ATE1: variants seen among roughly 807,000 people sequenced by gnomAD.
ATE1 encodes the protein arginyltransferase 1, also known as arginyl-tRNA--protein transferase 1.
Under a neutral mutation model 70.5 loss-of-function variants are expected in ATE1, and 36 were observed. The ratio of observed to expected loss-of-function variants is 0.51; its 90% CI spans 0.39 to 0.67. The LOEUF (loss-of-function observed/expected upper bound fraction) is 0.67. Among genes scored for constraint, ATE1 ranks in the 30% least tolerant of loss-of-function variants. ATE1 has a pLI of 0.00. For synonymous variants in ATE1, 232 were observed against 219.3 expected (o/e 1.06, Z -0.51); for missense variants, 593 against 629.5 (o/e 0.94, Z 0.62).
At position 121,913,732 on chromosome 10, in the gene ATE1, A is replaced by C. The variant is rs1590712807; in HGVS notation, c.337+58T>G. The C allele has an allele frequency of 8.2e-6, 10 of 1,221,158 alleles. No homozygotes were observed. In the East Asian group the frequency reaches 2.1e-4, roughly 26 times the overall value. The allele number at this position is 1,221,158 out of a possible 1,614,324, so 75.6% of individuals were successfully genotyped here. ...ACCCTTCCCCTTCCCAAGATGACTG[A>C]AAGTGGGACCGTTGCAAAGACAGAT... On this transcript the variant is annotated intron_variant, in intron 4 of 11. Transcript: ENST00000224652.
At chr10:121,859,857 G>A (rs1463747207) in intron 8 of ATE1, among the ~76,000 whole-genome samples, 1 of 152,096 alleles carries the variant, frequency 6.6e-6, no homozygotes. Flanking sequence ...CAGGAGAATC[G>A]CTTGAACCTG....
At chr10:121,895,387 A>G (rs1950740638) in intron 7 of ATE1, among the ~76,000 whole-genome samples, 1 of 152,182 alleles carries the variant, frequency 6.6e-6, no homozygotes, top group African/African-American at 2.4e-5. Context: ...AGGCGGGTGG[A>G]TCACGAGGTC....
At position 121,742,204 on chromosome 10, in the gene ATE1, G is replaced by GA. The variant is rs1285430633; in HGVS notation, c.*1475dup. ...TGAATGAAGAAATGCGGCTGACTTG[G>GA]ATGTTGAGTTTCTAGAGATTTCAGT... On this transcript the variant is annotated 3_prime_UTR_variant, in exon 12 of 12. Coordinates refer to ENST00000224652, the MANE Select transcript of ATE1 (RefSeq NM_001001976.3). 3.3e-5 allele frequency: 5 copies of GA among 152,218 alleles called. No individual in the cohort carries two copies. Among genetic ancestry groups the GA allele is most frequent in the African/African-American group, 1.2e-4 (5 of 41,450 alleles). The allele number at this position is 152,218 out of a possible 1,614,324, so 9.4% of individuals were successfully genotyped here. A position where few individuals can be genotyped will look rare whatever the true frequency, so the allele number is the denominator to read the frequency against.
chr10:121,804,982 C>T (rs1215796137), intron 10 of ATE1, among the ~76,000 whole-genome samples: 2 of 152,098 alleles, frequency 1.3e-5, no homozygotes, highest in African/African-American at 4.8e-5. Context: ...TTGTGAGCAA[C>T]AGATATGAAA....
At chr10:121,909,359 G>A (rs1283332855) in intron 5 of ATE1, among the ~76,000 whole-genome samples, 3 of 152,172 alleles carry the variant, frequency 2.0e-5, no homozygotes, top group East Asian at 3.9e-4. Context: ...ACAAACAAAT[G>A]TTTAAAAATT....
intron 8 of ATE1, among the ~76,000 whole-genome samples, chr10:121,856,860 T>C (rs1329197392): frequency 1.3e-5 from 2 of 152,154 alleles, no homozygotes; most frequent in East Asian, 3.8e-4. Flanking sequence ...AAGGATGTCA[T>C]ATAGGGGTTG....
intron 11 of ATE1, among the ~76,000 whole-genome samples, chr10:121,744,883 C>T (rs1944287379): frequency 6.6e-6 from 1 of 152,192 alleles, no homozygotes; most frequent in Non-Finnish European, 1.5e-5. Flanking sequence ...GCATCTTTTC[C>T]AAAGGATAGC....
At chr10:121,884,366 A>C (rs1029308441) in intron 7 of ATE1, among the ~76,000 whole-genome samples, 2 of 152,030 alleles carry the variant, frequency 1.3e-5, no homozygotes, top group African/African-American at 4.8e-5. Flanking sequence ...TAATCTCAGC[A>C]CTTTGGGAGG....
intron 7 of ATE1, 76 bp downstream of exon 7, chr10:121,899,790 C>A (rs1469574104): frequency 1.3e-6 from 2 of 1,532,986 alleles, no homozygotes; most frequent in Non-Finnish European, 1.8e-6. Context: ...CACAAATAAA[C>A]CAAGATTTCA....
At chr10:121,924,635 G>T (rs1274437517) in intron 1 of ATE1, among the ~76,000 whole-genome samples, 1 of 151,270 alleles carries the variant, frequency 6.6e-6, no homozygotes. Context: ...GGGAGGCGGA[G>T]GTTGCAGTGA....
At chr10:121,779,139 T>C (rs774556782) in intron 11 of ATE1, among the ~76,000 whole-genome samples, 3 of 152,200 alleles carry the variant, frequency 2.0e-5, no homozygotes, top group Admixed American at 6.5e-5. Context: ...GACCTTTCTA[T>C]GTCATCTTGG....
chr10:121,835,398 T>A (rs1400946085), intron 10 of ATE1, among the ~76,000 whole-genome samples: 1 of 147,688 alleles, frequency 6.8e-6, no homozygotes, highest in African/African-American at 2.5e-5. Flanking sequence ...GTGCTTAACA[T>A]CAAAGATTTG....
At position 121,853,361 on chromosome 10, in the gene ATE1, CA is replaced by C. The variant is rs386372688; in HGVS notation, c.976-12099del. On this transcript the variant is annotated intron_variant, in intron 8 of 11. Coordinates refer to ENST00000224652, the MANE Select transcript of ATE1 (RefSeq NM_001001976.3). ...TGGGGAACAAAGTTAGACTCTGTCTCAAAAAAAAAAAAAAAAAAAACTAAAT... is the reference window on the plus strand; with the variant it reads ...TGGGGAACAAAGTTAGACTCTGTCTCAAAAAAAAAAAAAAAAAAACTAAAT... Among the ~76,000 whole-genome samples the C allele has an allele frequency of 4.9e-3, 336 of 69,096 alleles. 5 individuals carry two copies. Among genetic ancestry groups the C allele is most frequent in the African/African-American group, 0.017 (275 of 16,558 alleles). The allele number at this position is 69,096 out of a possible 152,430, so 45.3% of individuals were successfully genotyped here.
At chr10:121,832,633 G>A (rs988864091) in intron 10 of ATE1, among the ~76,000 whole-genome samples, 3 of 152,114 alleles carry the variant, frequency 2.0e-5, no homozygotes, top group Non-Finnish European at 2.9e-5. Flanking sequence ...TCTTGCCACC[G>A]CCACGTAAGA....
chr10:121,881,669 TAA>T (rs11309013), intron 7 of ATE1, among the ~76,000 whole-genome samples: 161 of 125,574 alleles, frequency 1.3e-3, no homozygotes, highest in East Asian at 8.7e-3. Flanking sequence ...TCCTGTCTCT[TAA>T]AAAAAAAAAA....
intron 11 of ATE1, among the ~76,000 whole-genome samples, chr10:121,789,464 A>C (rs1433466371): frequency 1.3e-5 from 2 of 151,922 alleles, no homozygotes; most frequent in Non-Finnish European, 2.9e-5. Context: ...ATGCCCAGCC[A>C]GTTTTTGTAT....
intron 7 of ATE1, among the ~76,000 whole-genome samples, chr10:121,888,120 C>T (rs907327036): frequency 6.6e-6 from 1 of 152,110 alleles, no homozygotes; most frequent in Admixed American, 6.5e-5. Flanking sequence ...AGAGGCTGGG[C>T]GCAGTGGCTC....
At chr10:121,905,166 T>C (rs1951141031) in intron 5 of ATE1, among the ~76,000 whole-genome samples, 1 of 152,170 alleles carries the variant, frequency 6.6e-6, no homozygotes, top group Non-Finnish European at 1.5e-5. Flanking sequence ...GTCCTACCTA[T>C]AGAGTTCCTG....
chr10:121,845,512 TGAGG>T (rs1450096623), intron 8 of ATE1, among the ~76,000 whole-genome samples: 1 of 152,134 alleles, frequency 6.6e-6, no homozygotes, highest in Non-Finnish European at 1.5e-5. Context: ...CTGAAACTGC[TGAGG>T]GAGGGGAAAG....
Sources: allele counts gnomAD v4.1 joint callset (sites outside exome capture counted in the v4.1 genomes callset), GRCh38; gene constraint gnomAD v4.1.1; transcripts MANE v1.5; gene names NCBI Gene and HGNC (gene_info 2026-07-23, HGNC 2026-07-21).